The following RCSD1 variants were observed in gnomAD, a reference collection of about 807,000 sequenced individuals.
The protein encoded by RCSD1 is RCSD domain containing 1.
A neutral mutation model predicts 42.5 loss-of-function variants in RCSD1; 26 were observed. The observed-to-expected ratio is 0.61, with a 90% CI of 0.45 to 0.85. RCSD1 has a LOEUF of 0.85. RCSD1 is among the 40% of genes least tolerant of loss of function. The probability of loss-of-function intolerance (pLI) is 0.00; values close to 1 mark genes in which losing one functional copy is unlikely to be tolerated. For missense variants in RCSD1, 571 were observed against 528.3 expected, an observed-to-expected ratio of 1.08 and a Z score of -0.79; for synonymous variants, 220 against 212.2, an observed-to-expected ratio of 1.04 and a Z score of -0.32.
intron 1 of RCSD1, among the ~76,000 whole-genome samples, chr1:167,637,730 CCACA>C (rs66925392): frequency 0.05 from 7,341 of 146,254 alleles, 181 homozygotes; most frequent in Non-Finnish European, 0.061. Flanking sequence ...TAGGAATAGA[CCACA>C]CACACACACA....
intron 1 of RCSD1, among the ~76,000 whole-genome samples, chr1:167,680,576 G>T (rs1316818623): frequency 6.6e-6 from 1 of 152,160 alleles, no homozygotes; most frequent in Admixed American, 6.6e-5. Flanking sequence ...GACCAACTGG[G>T]CCCGAGTGAT....
At chr1:167,675,889 T>A (rs1190644781) in intron 1 of RCSD1, among the ~76,000 whole-genome samples, 2 of 151,820 alleles carry the variant, frequency 1.3e-5, no homozygotes, top group Non-Finnish European at 2.9e-5. Flanking sequence ...GGGCTCTATC[T>A]GGGACTTCTG....
chr1:167,632,440 C>T (rs1256037255), intron 1 of RCSD1, among the ~76,000 whole-genome samples: 2 of 152,144 alleles, frequency 1.3e-5, no homozygotes, highest in South Asian at 2.1e-4. Context: ...GGCAGTTTCT[C>T]CCCCCTCAGA....
In RCSD1 at chr1:167,698,296, G is replaced by GA. The variant is rs748467111; in HGVS notation, c.1218+456dup. ...CTCTTTCATGTGCATGAACAAGGTG[G>GA]AATAGGGCAGTGGACAGGGGGCATT... is the stretch of plus-strand genomic sequence containing the variant. On this transcript the variant is annotated intron_variant, in intron 6 of 6. Transcript: ENST00000367854. Among the ~76,000 whole-genome samples the GA allele has an allele frequency of 2.6e-5, 4 of 152,234 alleles. No individual in the cohort carries two copies. The East Asian group carries it at 5.8e-4, about 22-fold the overall frequency.
intron 1 of RCSD1, among the ~76,000 whole-genome samples, chr1:167,666,926 T>G (rs1294268975): frequency 6.6e-6 from 1 of 152,202 alleles, no homozygotes; most frequent in Non-Finnish European, 1.5e-5. Context: ...CCTAAGACAA[T>G]TCTTCCACTG....
chr1:167,694,390 G>A (rs916537578), intron 5 of RCSD1, 88 bp downstream of exon 5: 74 of 1,257,112 alleles, frequency 5.9e-5, no homozygotes, highest in Non-Finnish European at 7.7e-5. Context: ...TTGTCCTGGA[G>A]AAAGGAGGAA....
At chr1:167,700,035 A>G (rs1659600812) in intron 6 of RCSD1, among the ~76,000 whole-genome samples, 1 of 151,970 alleles carries the variant, frequency 6.6e-6, no homozygotes. Flanking sequence ...GTATTTCTCT[A>G]CTCCTTTTCC....
chr1:167,665,084 T>C (rs746812361), intron 1 of RCSD1: 1 of 151,060 alleles, frequency 6.6e-6, no homozygotes, highest in Non-Finnish European at 1.5e-5. Context: ...AGCATTTCTA[T>C]CACCCCAAAA....
At chr1:167,693,980 T>A (rs1212883732) in intron 4 of RCSD1, 119 bp from the exon 5 acceptor site, 1 of 876,734 alleles carries the variant, frequency 1.1e-6, no homozygotes, top group Non-Finnish European at 1.8e-6. Context: ...GGAAGTAGCA[T>A]GAAAAGCCTG....
In RCSD1 at chr1:167,694,157, G is replaced by A. The variant is rs1297432343; in HGVS notation, c.329G>A (p.Gly110Glu). Reference sequence around the variant, plus strand: ...CCTGGGGCCTCACCCAAGAGTCCTGGACTCAAGGCTATGGTGTCGCCATTT... The same window carrying A: ...CCTGGGGCCTCACCCAAGAGTCCTGAACTCAAGGCTATGGTGTCGCCATTT... ...LLPGASPKSPGLKAMVSPFHS... is the reference protein window; with the variant it reads ...LLPGASPKSPELKAMVSPFHS... Residue 110 changes from glycine to glutamate, a missense_variant, in exon 5 of 7, where the codon GGA becomes GAA. Physicochemically the swap from Gly to Glu is moderately conservative, Grantham distance 98. Transcript: ENST00000367854. 1.2e-6 allele frequency: 2 copies of A among 1,614,052 alleles called. No individual in the cohort carries two copies. Among genetic ancestry groups the A allele is most frequent in the East Asian group, 4.5e-5 (2 of 44,886 alleles).
At chr1:167,674,021 A>C (rs1558084795) in intron 1 of RCSD1, among the ~76,000 whole-genome samples, 1 of 152,206 alleles carries the variant, frequency 6.6e-6, no homozygotes, top group Non-Finnish European at 1.5e-5. Context: ...TGATAGTTTT[A>C]TTACAAGTCT....
At chr1:167,669,344 A>C (rs1453465377) in intron 1 of RCSD1, among the ~76,000 whole-genome samples, 1 of 152,248 alleles carries the variant, frequency 6.6e-6, no homozygotes, top group Non-Finnish European at 1.5e-5. Context: ...AATGTGAGCC[A>C]AGGCCTATTG....
chr1:167,673,661 A>G (rs1454777721), intron 1 of RCSD1, among the ~76,000 whole-genome samples: 1 of 152,244 alleles, frequency 6.6e-6, no homozygotes, highest in African/African-American at 2.4e-5. Flanking sequence ...CCTGAATTAT[A>G]ACTTGCATAT....
rs774705258 is a variant in RCSD1 at position 167,697,148 on chromosome 1, G to A, written c.524G>A (p.Arg175Gln). ...IKRRPPSRRF[R>Q]RSQSDCGELG... ...AGGCGCCCTCCCTCCAGGCGATTCC[G>A]AAGGTCACAGTCAGACTGTGGAGAA... The change falls in exon 6 of 7, where the codon CGA becomes CAA. Residue 175 changes from arginine to glutamine, a missense_variant. Transcript: ENST00000367854. The A allele has an allele frequency of 1.3e-5, 21 of 1,614,022 alleles. No homozygotes were observed. The highest frequency in any genetic ancestry group is 2.7e-5 in the African/African-American group (2 of 74,896).
At position 167,680,837 on chromosome 1, in the gene RCSD1, A is replaced by G. The variant is rs180711985; in HGVS notation, c.7-3063A>G. ...ATGGACATCACAGGAACAGAGAAAG[A>G]ACATTTAATCCAGAGAGGCTAAGGG... On this transcript the variant is annotated intron_variant, in intron 1 of 6. Transcript: ENST00000367854. Among the ~76,000 whole-genome samples the G allele has an allele frequency of 2.0e-4, 31 of 152,368 alleles. 1 individual carries two copies. The highest frequency in any genetic ancestry group is 1.3e-3 in the Admixed American group (20 of 15,308).
chr1:167,691,459 G>A (rs991742933), intron 4 of RCSD1, among the ~76,000 whole-genome samples: 1 of 152,248 alleles, frequency 6.6e-6, no homozygotes, highest in Non-Finnish European at 1.5e-5. Flanking sequence ...CGGAGGAGAG[G>A]CAGGCATGTT....
At position 167,697,593 on chromosome 1, in the gene RCSD1, A is replaced by C; in HGVS notation, c.969A>C (p.Gln323His). ...CAGAGGTGAAGGGGGAGAGGGTGCA[A>C]AATGAAGAGGTGGGACCTGAACATG... is the stretch of plus-strand genomic sequence containing the variant. ...KATEVKGERV[Q>H]NEEVGPEHDS... The change falls in exon 6 of 7, where the codon CAA becomes CAC. Residue 323 changes from glutamine to histidine, a missense_variant. Transcript: ENST00000367854. 6.2e-7 allele frequency: 1 copy of C among 1,608,208 alleles called. No individual in the cohort carries two copies. The highest frequency in any genetic ancestry group is 8.5e-7 in the Non-Finnish European group (1 of 1,177,432).
At chr1:167,646,559 A>G (rs569272806) in intron 1 of RCSD1, among the ~76,000 whole-genome samples, 2 of 150,912 alleles carry the variant, frequency 1.3e-5, no homozygotes, top group South Asian at 4.2e-4. Flanking sequence ...TCCGGGATAC[A>G]TGCGTGCAGG....
chr1:167,687,925 CT>C (rs1482258136), intron 3 of RCSD1, among the ~76,000 whole-genome samples: 1 of 152,246 alleles, frequency 6.6e-6, no homozygotes, highest in Non-Finnish European at 1.5e-5. Context: ...TCAGAAAAGG[CT>C]GAAAAGCATT....
Sources: gnomAD v4.1 joint callset for allele counts (sites outside exome capture counted in the v4.1 genomes callset) on GRCh38, gnomAD v4.1.1 for gene constraint, MANE v1.5 for transcripts, NCBI Gene and HGNC (gene_info 2026-07-23, HGNC 2026-07-21) for gene names.